Variants in PGA5 observed in about 807,000 individuals in gnomAD.
PGA5 encodes the protein pepsin A-5.
A neutral mutation model predicts 15.9 loss-of-function variants in PGA5; 19 were observed. That is an observed-to-expected ratio of 1.19 (90% CI 0.83 to 1.75). The LOEUF is 1.75. Among genes scored for constraint, PGA5 ranks in the 40% most tolerant of loss-of-function variants. PGA5 has a pLI of 0.00. For missense variants in PGA5, 224 were observed against 246.4 expected, an observed-to-expected ratio of 0.91 and a Z score of 0.61; for synonymous variants, 92 against 95.8, an observed-to-expected ratio of 0.96 and a Z score of 0.23.
At chr11:61,248,715 C>A (rs370716782) in intron 6 of PGA5, among the ~76,000 whole-genome samples, 180 bp downstream of exon 6, 158 of 152,162 alleles carry the variant, frequency 1.0e-3, no homozygotes, top group African/African-American at 3.6e-3. Context: ...CACCTCCCTG[C>A]AGGAGGAGGG....
chr11:61,245,588 G>A, intron 4 of PGA5: 1 of 5,546 alleles, frequency 1.8e-4, no homozygotes, highest in Admixed American at 5.7e-4. Flanking sequence ...CCCAAGTCAC[G>A]AAATCTCCAC....
chr11:61,249,457 GT>G, intron 6 of PGA5: 1 of 971,718 alleles, frequency 1.0e-6, no homozygotes, highest in African/African-American at 1.6e-5. Context: ...TTCGCTTGGC[GT>G]TTCCCATGCC....
intron 8 of PGA5, chr11:61,250,726 C>T (rs1282716660): frequency 6.4e-6 from 3 of 468,560 alleles, no homozygotes; most frequent in African/African-American, 4.0e-5. Context: ...CAGACAAGGT[C>T]GCAGCCCAGT....
In PGA5 at chr11:61,251,136, A is replaced by G; in HGVS notation, c.1022A>G (p.Glu341Gly). 1 of 1,611,726 alleles carries G rather than the reference A, an allele frequency of 6.2e-7. No homozygotes were observed. The highest frequency in any genetic ancestry group is 1.3e-5 in the African/African-American group (1 of 74,714). Residue 341 changes from glutamate to glycine, a missense_variant, in exon 9 of 9, where the codon GAG becomes GGG. Coordinates refer to ENST00000312403, the MANE Select transcript of PGA5 (RefSeq NM_014224.5). ...VPPSAYILQS[E>G]GSCISGFQGM... ...TTTTATTCTCCTTTTCTCCAGAGCG[A>G]GGGGAGCTGCATCAGTGGCTTCCAG... is the stretch of plus-strand genomic sequence containing the variant.
rs189722405 is a variant in PGA5 at position 61,248,305 on chromosome 11, C to G, written c.657-114C>G. On this transcript the variant is annotated intron_variant, in intron 5 of 8. Coordinates refer to ENST00000312403, the MANE Select transcript of PGA5 (RefSeq NM_014224.5). ...GAAAAGAAACCACATTGGTCACACC[C>G]CAGGACAGCCCTGGAAAGTGCCCAA... is the stretch of plus-strand genomic sequence containing the variant. 87 of 1,612,746 alleles carry G rather than the reference C, an allele frequency of 5.4e-5. 1 individual carries two copies. The highest frequency in any genetic ancestry group is 1.6e-4 in the Middle Eastern group (1 of 6,078).
intron 8 of PGA5, chr11:61,250,704 C>A (rs970203340): frequency 2.1e-6 from 1 of 465,476 alleles, no homozygotes; most frequent in African/African-American, 2.0e-5. Flanking sequence ...TCAAAGCTCC[C>A]CAGGTGATGT....
Position 61,248,532 on chromosome 11 carries a change from A to C in PGA5, c.770A>C (p.Asp257Ala), listed in dbSNP as rs773878597. ...TVEGYWQITVDSITMNGETIA... is the reference protein window; with the variant it reads ...TVEGYWQITVASITMNGETIA... ...GAGGGTTACTGGCAGATCACCGTGG[A>C]CAGGTGAGACTGCCATGAACGGGCA... Residue 257 changes from aspartate to alanine, a missense_variant, in exon 6 of 9, where the codon GAC (aspartate) becomes GCC (alanine). Asp to Ala is a moderately radical substitution (Grantham distance 126). Coordinates refer to ENST00000312403, the MANE Select transcript of PGA5 (RefSeq NM_014224.5). 1.2e-5 allele frequency: 20 copies of C among 1,612,042 alleles called. 1 individual carries two copies. The Admixed American group carries it at 3.3e-4, about 27-fold the overall frequency.
Position 61,249,901 on chromosome 11 carries a change from CCTCA to C in PGA5, c.919-11_919-8del. ...CGAAAACCCTTCTAACTTTTCTCAC[CCTCA>C]CTCTTTCCAGATGGTGGTCAGCTGC... is the stretch of plus-strand genomic sequence containing the variant. On this transcript the variant is annotated splice_polypyrimidine_tract_variant and intron_variant, in intron 7 of 8. Coordinates refer to ENST00000312403, the MANE Select transcript of PGA5 (RefSeq NM_014224.5). 6.2e-7 allele frequency: 1 copy of C among 1,613,562 alleles called. No individual in the cohort carries two copies. The highest frequency in any genetic ancestry group is 8.5e-7 in the Non-Finnish European group (1 of 1,179,842).
intron 5 of PGA5, chr11:61,248,189 G>A (rs756493171): frequency 1.0e-6 from 1 of 964,822 alleles, no homozygotes; most frequent in Non-Finnish European, 1.7e-6. Context: ...GTGACCTTGG[G>A]CAGGTGGCCT....
chr11:61,248,368 C>A, intron 5 of PGA5, 51 bp from the exon 6 acceptor site: 1 of 1,613,846 alleles, frequency 6.2e-7, no homozygotes, highest in Non-Finnish European at 8.5e-7. Context: ...CAGATGGTCA[C>A]ACAAATGGAC....
chr11:61,247,229 T>A (rs1854077220), intron 5 of PGA5, among the ~76,000 whole-genome samples: 1 of 151,810 alleles, frequency 6.6e-6, no homozygotes, highest in Non-Finnish European at 1.5e-5. Context: ...TGGGGTGGGT[T>A]CAGTGAGTGG....
rs959679007 is a variant in PGA5, at chr11:61,246,798, T to C, written c.656+653T>C. Among the ~76,000 whole-genome samples the C allele has an allele frequency of 1.6e-5, 2 of 121,902 alleles. 1 individual carries two copies. The highest frequency in any genetic ancestry group is 6.2e-5 in the African/African-American group (2 of 32,420). 80.0% of individuals were successfully genotyped at this position (121,902 alleles called of 152,430 possible). On this transcript the variant is annotated intron_variant, in intron 5 of 8. Coordinates refer to ENST00000312403, the MANE Select transcript of PGA5 (RefSeq NM_014224.5). ...ATAAATAAATAAATAAATAAATAAA[T>C]AAAATAAAGTGACTATACTTAGACC...
intron 5 of PGA5, 161 bp from the exon 6 acceptor site, chr11:61,248,258 T>C: frequency 6.5e-7 from 1 of 1,535,730 alleles, no homozygotes; most frequent in Non-Finnish European, 9.0e-7. Context: ...CGGTGCCCAC[T>C]GCATGGGCCC....
chr11:61,248,306 C>T (rs545440784), intron 5 of PGA5, 113 bp from the exon 6 acceptor site: 1 of 1,612,882 alleles, frequency 6.2e-7, no homozygotes, highest in African/African-American at 1.3e-5. Context: ...GGTCACACCC[C>T]AGGACAGCCC....
chr11:61,245,785 C>G lies in PGA5; in HGVS notation c.457-161C>G, dbSNP rs1200789899. 3.5e-5 allele frequency: 3 copies of G among 84,864 alleles called. No individual in the cohort carries two copies. The Admixed American group carries it at 6.9e-4, about 20-fold the overall frequency. The allele number at this position is 84,864 out of a possible 1,614,324, so 5.3% of individuals were successfully genotyped here. Reference sequence around the variant, plus strand: ...CCATGGTTACCTCCAGCAGAGGAACCAGCATTCCAGCAGACAGTCCCTCTG... The same window carrying G: ...CCATGGTTACCTCCAGCAGAGGAACGAGCATTCCAGCAGACAGTCCCTCTG... On this transcript the variant is annotated intron_variant, in intron 4 of 8. Coordinates refer to ENST00000312403, the MANE Select transcript of PGA5 (RefSeq NM_014224.5).
At position 61,247,696 on chromosome 11, in the gene PGA5, T is replaced by C. The variant is rs117682486; in HGVS notation, c.657-723T>C. On this transcript the variant is annotated intron_variant, in intron 5 of 8. Coordinates refer to ENST00000312403, the MANE Select transcript of PGA5 (RefSeq NM_014224.5). ...CTCCTGCAATTTACAACAGGAAGGC[T>C]CTTTGTCATGTATTCTTCTTGGCCA... Among the ~76,000 whole-genome samples the C allele has an allele frequency of 1.8e-3, 272 of 152,160 alleles. 26 individuals are homozygous for C. In the East Asian group the frequency reaches 0.052, roughly 29 times the overall value.
At chr11:61,248,823 C>T (rs1392006722) in intron 6 of PGA5, among the ~76,000 whole-genome samples, 5 of 152,122 alleles carry the variant, frequency 3.3e-5, no homozygotes, top group Non-Finnish European at 7.3e-5. Flanking sequence ...CTGGGGAGAG[C>T]TGGGGGACCC....
chr11:61,250,585 A>T (rs1854126423), intron 8 of PGA5: 3 of 457,550 alleles, frequency 6.6e-6, no homozygotes, highest in Admixed American at 4.7e-5. Flanking sequence ...TAATTTTGCC[A>T]GTGGACTCAA....
rs570464167 is a variant in PGA5 at position 61,249,662 on chromosome 11, C to T, written c.774-7C>T. 3.1e-6 allele frequency: 5 copies of T among 1,613,552 alleles called. No individual in the cohort carries two copies. The South Asian group carries it at 3.3e-5, about 11-fold the overall frequency. ...CTCAGGGAGCTTAACTTGCTTCTTA[C>T]CCTCAGCATCACCATGAACGGAGAG... On this transcript the variant is annotated splice_region_variant and splice_polypyrimidine_tract_variant and intron_variant, in intron 6 of 8. Transcript: ENST00000312403.
Sources: gnomAD v4.1 joint callset for allele counts (sites outside exome capture counted in the v4.1 genomes callset) on GRCh38, gnomAD v4.1.1 for gene constraint, MANE v1.5 for transcripts, NCBI Gene and HGNC (gene_info 2026-07-23, HGNC 2026-07-21) for gene names.